Variants in ESYT1 observed in about 807,000 individuals in gnomAD.
ESYT1 encodes extended synaptotagmin 1.
In ESYT1, 116 loss-of-function variants were observed where a neutral mutation model predicts 154.2. That is an observed-to-expected ratio of 0.75 (90% CI 0.65 to 0.88). ESYT1 has a LOEUF of 0.88. Among genes scored for constraint, ESYT1 ranks in the 40% least tolerant of loss-of-function variants. The pLI, the probability that ESYT1 is intolerant of heterozygous loss-of-function variation, is 0.00. For synonymous variants in ESYT1, 500 were observed against 539.9 expected, an observed-to-expected ratio of 0.93 and a Z score of 1.02; for missense variants, 1,264 against 1,379.3, an observed-to-expected ratio of 0.92 and a Z score of 1.32.
intron 22 of ESYT1, 91 bp from the exon 23 acceptor site, chr12:56,138,677 G>A: frequency 7.3e-7 from 1 of 1,372,510 alleles, no homozygotes; most frequent in Non-Finnish European, 1.0e-6. Context: ...AGTAATAATG[G>A]AGACATGGCT....
At chr12:56,131,432 G>A (rs1177703767) in intron 5 of ESYT1, 45 bp from the exon 6 acceptor site, 2 of 1,612,276 alleles carry the variant, frequency 1.2e-6, no homozygotes, top group Non-Finnish European at 1.7e-6. Flanking sequence ...GGACAGAAGA[G>A]GGACTTTTCT....
Position 56,142,479 on chromosome 12 carries a change from C to G in ESYT1, c.2733+54C>G. The G allele has an allele frequency of 6.2e-7, 1 of 1,606,396 alleles. No individual in the cohort carries two copies. Among genetic ancestry groups the G allele is most frequent in the Non-Finnish European group, 8.5e-7 (1 of 1,174,532 alleles). On this transcript the variant is annotated intron_variant, in intron 25 of 30. Transcript: ENST00000394048. This position sits in a 1 kb window ranked among gnomAD's most constrained non-coding sequence, Gnocchi z 4.1. ...GAGAGGGAGGAGGGGAGGGCCTTCA[C>G]AGGTGAGGGACACCCAGGAGGGTGG...
chr12:56,132,066 A>G, intron 7 of ESYT1, 143 bp from the exon 8 acceptor site: 1 of 1,309,894 alleles, frequency 7.6e-7, no homozygotes, highest in Non-Finnish European at 1.1e-6. Flanking sequence ...GTGGGGAATT[A>G]GGGTAGAAGA....
In ESYT1 at chr12:56,142,244, T is replaced by C; in HGVS notation, c.2593-41T>C. The C allele has an allele frequency of 6.2e-7, 1 of 1,607,676 alleles. No individual in the cohort carries two copies. Among genetic ancestry groups the C allele is most frequent in the South Asian group, 1.1e-5 (1 of 90,524 alleles). ...AAAACACCAGGATTAACTCATTTGTTGATGCATTCGCCTCTTGATCATGGT... is the reference window on the plus strand; with the variant it reads ...AAAACACCAGGATTAACTCATTTGTCGATGCATTCGCCTCTTGATCATGGT... On this transcript the variant is annotated intron_variant, in intron 24 of 30. Coordinates refer to ENST00000394048, the MANE Select transcript of ESYT1 (RefSeq NM_015292.3). The surrounding 1 kb of genome is among the most constrained non-coding windows in gnomAD (Gnocchi z 4.1).
At chr12:56,130,538 G>A (rs549786530) in intron 1 of ESYT1, 44 bp from the exon 2 acceptor site, 70 of 1,612,224 alleles carry the variant, frequency 4.3e-5, no homozygotes, top group Middle Eastern at 2.0e-4. Flanking sequence ...AACCAGAGGC[G>A]AGGGTGTGCT....
At chr12:56,131,198 C>T in intron 4 of ESYT1, 46 bp from the exon 5 acceptor site, 1 of 1,613,556 alleles carries the variant, frequency 6.2e-7, no homozygotes, top group Non-Finnish European at 8.5e-7. Flanking sequence ...CCCGCAACTT[C>T]AGCCAAGGAC....
intron 22 of ESYT1, 35 bp from the exon 23 acceptor site, chr12:56,138,733 C>T (rs747100456): frequency 2.5e-6 from 4 of 1,602,986 alleles, no homozygotes; most frequent in Non-Finnish European, 3.4e-6. Context: ...CTAACTAGGT[C>T]CAAATTTAAG....
In ESYT1 at chr12:56,137,895, A is replaced by G; in HGVS notation, c.2179A>G (p.Lys727Glu). The G allele has an allele frequency of 6.2e-7, 1 of 1,614,188 alleles. No individual in the cohort carries two copies. Among genetic ancestry groups the G allele is most frequent in the Non-Finnish European group, 8.5e-7 (1 of 1,180,032 alleles). ...EVEVFDKDLDKDDFLGRCKVR... is the reference protein window; with the variant it reads ...EVEVFDKDLDEDDFLGRCKVR... ...TGAAGTCTTTGACAAGGACTTGGAC[A>G]AGGATGATTTTCTGGGCAGGTGAGA... Residue 727 changes from lysine (K) to glutamate (E), a missense_variant, in exon 19 of 31, where the codon AAG (lysine) becomes GAG (glutamate). Lys to Glu is a moderately conservative substitution (Grantham distance 56). Transcript: ENST00000394048.
At chr12:56,143,801 T>C in intron 30 of ESYT1, 22 bp from the exon 31 acceptor site, 1 of 1,614,168 alleles carries the variant, frequency 6.2e-7, no homozygotes, top group Non-Finnish European at 8.5e-7. Flanking sequence ...GTCATCTTTC[T>C]ACATGAGCCC....
chr12:56,142,435 A>C lies in ESYT1; in HGVS notation c.2733+10A>C. Reference sequence around the variant, plus strand: ...GAGAGCACAGCTAGGGGTGAGTGACAGGAGATGGTGGGCAGGATGAGAGGG... The same window carrying C: ...GAGAGCACAGCTAGGGGTGAGTGACCGGAGATGGTGGGCAGGATGAGAGGG... On this transcript the variant is annotated intron_variant, in intron 25 of 30. Transcript: ENST00000394048. This position sits in a 1 kb window ranked among gnomAD's most constrained non-coding sequence, Gnocchi z 4.1. The C allele has an allele frequency of 6.2e-7, 1 of 1,610,774 alleles. No individual in the cohort carries two copies.
chr12:56,130,148 T>C (rs1870172912), intron 1 of ESYT1, among the ~76,000 whole-genome samples: 1 of 152,172 alleles, frequency 6.6e-6, no homozygotes, highest in African/African-American at 2.4e-5. Context: ...CCTGACCTCG[T>C]GATCCGCCGG....
In ESYT1 at chr12:56,138,850, A is replaced by C; in HGVS notation, c.2505+11A>C. 6.2e-7 allele frequency: 1 copy of C among 1,613,848 alleles called. No individual in the cohort carries two copies. Among genetic ancestry groups the C allele is most frequent in the East Asian group, 2.2e-5 (1 of 44,876 alleles). On this transcript the variant is annotated intron_variant, in intron 23 of 30. Coordinates refer to ENST00000394048, the MANE Select transcript of ESYT1 (RefSeq NM_015292.3). ...TCTCATAAAACCAAGGTATGAAGAA[A>C]TGCTGCAGGGTAAAAATGGGAGGGA...
At position 56,130,641 on chromosome 12, in the gene ESYT1, T is replaced by C; in HGVS notation, c.432+18T>C. 6.2e-7 allele frequency: 1 copy of C among 1,614,126 alleles called. No homozygotes were observed. The highest frequency in any genetic ancestry group is 8.5e-7 in the Non-Finnish European group (1 of 1,180,002). ...TCAATAAGGTGAGGATTGATTTGAT[T>C]TTTAGTCTTCATGAGGGGAGAATGG... On this transcript the variant is annotated intron_variant, in intron 2 of 30. Transcript: ENST00000394048.
rs537628457 is a variant in ESYT1, at chr12:56,142,836, C to A, written c.2890C>A (p.Pro964Thr). ...AGACCTACTGATATTTCTCCACAGTCCCCTTGAGGCTCCAGCCGGGCCTCT... is the reference window on the plus strand; with the variant it reads ...AGACCTACTGATATTTCTCCACAGTACCCTTGAGGCTCCAGCCGGGCCTCT... ...LRQRLTHVDSPLEAPAGPLGQ... is the reference protein window; with the variant it reads ...LRQRLTHVDSTLEAPAGPLGQ... The change falls in exon 27 of 31, where the codon CCC becomes ACC. Residue 964 changes from proline to threonine, a missense_variant and splice_region_variant. By Grantham distance (38) the Pro-to-Thr change is conservative. Coordinates refer to ENST00000394048, the MANE Select transcript of ESYT1 (RefSeq NM_015292.3). The surrounding 1 kb of genome is among the most constrained non-coding windows in gnomAD (Gnocchi z 4.1). 1.9e-6 allele frequency: 3 copies of A among 1,614,166 alleles called. No homozygotes were observed. Among genetic ancestry groups the A allele is most frequent in the African/African-American group, 2.7e-5 (2 of 75,056 alleles).
intron 15 of ESYT1, among the ~76,000 whole-genome samples, chr12:56,135,055 C>T (rs538935081): frequency 1.6e-3 from 248 of 151,908 alleles, no homozygotes; most frequent in Middle Eastern, 3.4e-3. Context: ...GCATAATTTA[C>T]ATACCATAGA....
At chr12:56,131,211 ACT>A (rs1306827279) in intron 4 of ESYT1, 31 bp from the exon 5 acceptor site, 1 of 1,613,528 alleles carries the variant, frequency 6.2e-7, no homozygotes, top group African/African-American at 1.3e-5. Context: ...CCAAGGACTA[ACT>A]CTCTTGGTTC....
Position 56,128,654 on chromosome 12 carries a change from A to T in ESYT1, c.335A>T (p.Glu112Val). The T allele has an allele frequency of 6.2e-7, 1 of 1,614,188 alleles. No individual in the cohort carries two copies. Among genetic ancestry groups the T allele is most frequent in the South Asian group, 1.1e-5 (1 of 91,086 alleles). Residue 112 changes from glutamate to valine, a missense_variant, in exon 1 of 31, where the codon GAG becomes GTG. Coordinates refer to ENST00000394048, the MANE Select transcript of ESYT1 (RefSeq NM_015292.3). ...GCAGCGAGGCAGCTACTGGACGACG[A>T]GGAGCAGCTCACTGCGAAAACTCTC... is the stretch of plus-strand genomic sequence containing the variant. ...LRAARQLLDDEEQLTAKTLYM... is the reference protein window; with the variant it reads ...LRAARQLLDDVEQLTAKTLYM...
chr12:56,138,756 T>C lies in ESYT1; in HGVS notation c.2434-12T>C, dbSNP rs775398548. The C allele has an allele frequency of 1.3e-5, 21 of 1,613,420 alleles. No homozygotes were observed. The highest frequency in any genetic ancestry group is 8.5e-7 in the Non-Finnish European group (1 of 1,179,434). On this transcript the variant is annotated splice_polypyrimidine_tract_variant and intron_variant, in intron 22 of 30. Coordinates refer to ENST00000394048, the MANE Select transcript of ESYT1 (RefSeq NM_015292.3). ...GTCCAAATTTAAGACTAACACAGTATTGTCTTTCTAGCTGCGAAAAGGCAC... is the reference window on the plus strand; with the variant it reads ...GTCCAAATTTAAGACTAACACAGTACTGTCTTTCTAGCTGCGAAAAGGCAC...
rs374384583 is a variant in ESYT1 at position 56,142,815 on chromosome 12, C to A, written c.2889-20C>A. ...CACTAGGCTCTAGCTTTCCCCAGAC[C>A]TACTGATATTTCTCCACAGTCCCCT... On this transcript the variant is annotated intron_variant, in intron 26 of 30. Transcript: ENST00000394048. This position sits in a 1 kb window ranked among gnomAD's most constrained non-coding sequence, Gnocchi z 4.1. 3.1e-6 allele frequency: 5 copies of A among 1,614,014 alleles called. No homozygotes were observed. Among genetic ancestry groups the A allele is most frequent in the East Asian group, 4.5e-5 (2 of 44,880 alleles).
Sources: allele counts gnomAD v4.1 joint callset (sites outside exome capture counted in the v4.1 genomes callset), GRCh38; gene constraint gnomAD v4.1.1; non-coding constraint Gnocchi (gnomAD v3.1); transcripts MANE v1.5; gene names NCBI Gene and HGNC (gene_info 2026-07-23, HGNC 2026-07-21).